The following ABCA13 variants were observed in gnomAD, a reference collection of about 807,000 sequenced individuals.
ABCA13 encodes the protein ATP binding cassette subfamily A member 13, also known as ATP-binding cassette sub-family A member 13.
A neutral mutation model predicts 478.7 loss-of-function variants in ABCA13; 476 were observed. The observed-to-expected ratio is 0.99, with a 90% CI of 0.92 to 1.07. The LOEUF (loss-of-function observed/expected upper bound fraction) is 1.07, where lower values mean the gene tolerates loss of function less well. Ranked by LOEUF, ABCA13 falls within the 50% of genes least tolerant of loss-of-function variation. The pLI is 0.00. For synonymous variants in ABCA13, 2,252 were observed against 2,158.9 expected (o/e 1.04, Z -1.20); for missense variants, 6,060 against 5,910.6 (o/e 1.03, Z -0.83).
In ABCA13 at chr7:48,481,080, C is replaced by G. The variant is rs201866395; in HGVS notation, c.13020C>G (p.His4340Gln). 17 of 1,603,564 alleles carry G rather than the reference C, an allele frequency of 1.1e-5. No homozygotes were observed. The highest frequency in any genetic ancestry group is 1.7e-4 in the Middle Eastern group (1 of 6,056). The change falls in exon 46 of 62, where the codon CAC becomes CAG. Residue 4340 changes from histidine (H) to glutamine (Q), a missense_variant. By Grantham distance (24) the His-to-Gln change is conservative. This residue lies in a region of ABCA13 where 1,627 missense variants were observed against 1,571.0 expected (regional missense o/e 1.04). Coordinates refer to ENST00000435803, the MANE Select transcript of ABCA13 (RefSeq NM_152701.5). ...RSASAPYLTN[H>Q]LGHTLLNLSG... ...CTAGTGCTCCCTACCTGACCAACCA[C>G]CTGGGCCACACACTGTTGAATCTCT...
intron 5 of ABCA13, among the ~76,000 whole-genome samples, chr7:48,225,215 T>C (rs1006929353): frequency 6.7e-6 from 1 of 149,638 alleles, no homozygotes; most frequent in East Asian, 2.0e-4. Context: ...TTTACTTCCT[T>C]CCTTCCCTCC....
chr7:48,410,698 A>G lies in ABCA13; in HGVS notation c.12228+21A>G, dbSNP rs566657192. The G allele has an allele frequency of 1.1e-5, 18 of 1,599,560 alleles. No homozygotes were observed. In the East Asian group the frequency reaches 3.4e-4, roughly 30 times the overall value. ...GGCAGGTAAGGAGTGCAACCATTCT[A>G]TCTCACTGAAGTCCCATTTCTGTCT... On this transcript the variant is annotated intron_variant, in intron 40 of 61. Transcript: ENST00000435803.
chr7:48,372,227 C>T lies in ABCA13; in HGVS notation c.10863C>T (p.Asn3621=). 6.2e-7 allele frequency: 1 copy of T among 1,613,876 alleles called. No homozygotes were observed. The highest frequency in any genetic ancestry group is 8.5e-7 in the Non-Finnish European group (1 of 1,179,830). ...VIHFLAWFLE[N]MAVLTISSAT... ...ATTTCCTGGCCTGGTTCCTGGAGAA[C>T]ATGGCTGTGTTGACCATAAGCAGTG... The change falls in exon 33 of 62, where the codon AAC becomes AAT. Residue 3621 remains asparagine, a synonymous_variant. Transcript: ENST00000435803.
intron 31 of ABCA13, among the ~76,000 whole-genome samples, chr7:48,365,261 A>G (rs1476211302): frequency 6.6e-6 from 1 of 151,920 alleles, no homozygotes; most frequent in Non-Finnish European, 1.5e-5. Flanking sequence ...TAATTGGATT[A>G]TGTGGGTTTC....
At chr7:48,423,580 A>G (rs1431915371) in intron 41 of ABCA13, among the ~76,000 whole-genome samples, 1 of 152,196 alleles carries the variant, frequency 6.6e-6, no homozygotes, top group Non-Finnish European at 1.5e-5. Context: ...CAATCAGTGT[A>G]GAGATGACAC....
chr7:48,317,992 C>G (rs915123091), intron 27 of ABCA13, among the ~76,000 whole-genome samples: 2 of 152,150 alleles, frequency 1.3e-5, no homozygotes, highest in African/African-American at 4.8e-5. Flanking sequence ...AGCCTACAGG[C>G]ACCTGGAAAG....
chr7:48,238,577 T>C (rs531644540), intron 8 of ABCA13, among the ~76,000 whole-genome samples: 1 of 152,082 alleles, frequency 6.6e-6, no homozygotes, highest in South Asian at 2.1e-4. Context: ...CACGCCATTC[T>C]CCTGCCTCAG....
chr7:48,462,443 T>TC (rs547024143), intron 43 of ABCA13, among the ~76,000 whole-genome samples: 22,450 of 148,220 alleles, frequency 0.15, 2,288 homozygotes, highest in African/African-American at 0.3. Context: ...AGTAAAGGAT[T>TC]CCCCCCCCCC....
chr7:48,502,518 A>G (rs1333879641), intron 48 of ABCA13, among the ~76,000 whole-genome samples: 3 of 152,218 alleles, frequency 2.0e-5, no homozygotes, highest in African/African-American at 7.2e-5. Context: ...TTCACTGAAG[A>G]ATGAATAGAA....
chr7:48,572,459 A>G (rs894604428), intron 55 of ABCA13, among the ~76,000 whole-genome samples: 1 of 152,128 alleles, frequency 6.6e-6, no homozygotes, highest in African/African-American at 2.4e-5. Flanking sequence ...GTGGGACTAC[A>G]TGCCCAGCTA....
rs112835217 is a variant in ABCA13 at position 48,432,722 on chromosome 7, GA to G, written c.12565+4854del. On this transcript the variant is annotated intron_variant, in intron 42 of 61. Coordinates refer to ENST00000435803, the MANE Select transcript of ABCA13 (RefSeq NM_152701.5). ...TTTTAAGTGAAATAAGCTAGGAACAGAAAGGCAAATGCTACATAATGTCACA... is the reference window on the plus strand; with the variant it reads ...TTTTAAGTGAAATAAGCTAGGAACAGAAGGCAAATGCTACATAATGTCACA... 7.2e-5 allele frequency among the ~76,000 whole-genome samples: 11 copies of G among 152,196 alleles called. 1 individual carries two copies. Among genetic ancestry groups the G allele is most frequent in the African/African-American group, 2.6e-4 (11 of 41,572 alleles).
At chr7:48,216,348 GTTGACAAT>G (rs1338113611) in intron 3 of ABCA13, among the ~76,000 whole-genome samples, 6 of 152,100 alleles carry the variant, frequency 3.9e-5, no homozygotes, top group African/African-American at 1.4e-4. Flanking sequence ...GGTTTATGAT[GTTGACAAT>G]CTTTTTATGT....
chr7:48,510,906 G>A (rs1574070), intron 50 of ABCA13, among the ~76,000 whole-genome samples, 178 bp from the exon 51 acceptor site: 73,494 of 151,242 alleles, frequency 0.49, 20,312 homozygotes, highest in African/African-American at 0.76. Flanking sequence ...TTGTGGGGGG[G>A]TACAACTCAG....
chr7:48,245,238 C>T (rs1390709341), intron 11 of ABCA13, among the ~76,000 whole-genome samples: 1 of 152,132 alleles, frequency 6.6e-6, no homozygotes, highest in African/African-American at 2.4e-5. Context: ...AGATGGGCTG[C>T]AGCCTTTTCA....
chr7:48,580,431 C>A (rs1337378685), intron 56 of ABCA13, 57 bp downstream of exon 56: 2 of 1,546,596 alleles, frequency 1.3e-6, no homozygotes, highest in Non-Finnish European at 1.8e-6. Flanking sequence ...GCTTGGTGAC[C>A]ACCTCTGGCT....
chr7:48,242,668 G>A (rs1251844756), intron 10 of ABCA13, among the ~76,000 whole-genome samples: 8 of 152,048 alleles, frequency 5.3e-5, no homozygotes, highest in Admixed American at 4.6e-4. Flanking sequence ...TGAACTCCTG[G>A]CATCAAGTGA....
chr7:48,448,282 G>A (rs1206683265), intron 42 of ABCA13, among the ~76,000 whole-genome samples: 1 of 152,224 alleles, frequency 6.6e-6, no homozygotes, highest in Non-Finnish European at 1.5e-5. Flanking sequence ...GCTGTTTAGA[G>A]ACTGCAGGAA....
intron 55 of ABCA13, among the ~76,000 whole-genome samples, chr7:48,556,032 C>A (rs1785789949): frequency 6.6e-6 from 1 of 151,426 alleles, no homozygotes; most frequent in South Asian, 2.1e-4. Context: ...ATAAATTTTT[C>A]AATTTCTTTC....
rs1793067014 is a variant in ABCA13, at chr7:48,254,372, T to C, written c.2005+5021T>C. Among the ~76,000 whole-genome samples the C allele has an allele frequency of 1.3e-5, 2 of 152,176 alleles. 1 individual carries two copies. The highest frequency in any genetic ancestry group is 4.1e-4 in the South Asian group (2 of 4,832). Reference sequence around the variant, plus strand: ...TCGAATTATGAGGCTCAAGTGATCCTTTTGTCTCAGTCTCCCAAGTAGCTA... The same window carrying C: ...TCGAATTATGAGGCTCAAGTGATCCCTTTGTCTCAGTCTCCCAAGTAGCTA... On this transcript the variant is annotated intron_variant, in intron 15 of 61. Transcript: ENST00000435803.
Sources: gnomAD v4.1 joint callset for allele counts (sites outside exome capture counted in the v4.1 genomes callset) on GRCh38, gnomAD v4.1.1 for gene constraint, gnomAD v4.1.1 regional missense constraint, MANE v1.5 for transcripts, NCBI Gene and HGNC (gene_info 2026-07-23, HGNC 2026-07-21) for gene names.